Variants in PAIP2B observed in about 807,000 individuals in gnomAD.
The protein encoded by PAIP2B is polyadenylate-binding protein-interacting protein 2B.
A neutral mutation model predicts 17.0 loss-of-function variants in PAIP2B; 13 were observed. That is an observed-to-expected ratio of 0.76 (90% CI 0.50 to 1.22). The LOEUF (loss-of-function observed/expected upper bound fraction) is 1.22, where lower values mean the gene tolerates loss of function less well. Among genes scored for constraint, PAIP2B ranks in the 50% most tolerant of loss-of-function variants. The pLI, the probability that PAIP2B is intolerant of heterozygous loss-of-function variation, is 0.00. For synonymous variants in PAIP2B, 43 were observed against 48.7 expected, an observed-to-expected ratio of 0.88 and a Z score of 0.48; for missense variants, 117 against 144.5, an observed-to-expected ratio of 0.81 and a Z score of 0.98.
At chr2:71,203,307 T>C (rs1458343915) in intron 1 of PAIP2B, among the ~76,000 whole-genome samples, 1 of 152,086 alleles carries the variant, frequency 6.6e-6, no homozygotes, top group Non-Finnish European at 1.5e-5. Context: ...CTTTTGGGGG[T>C]GTTTCCAATG....
chr2:71,183,631 T>A lies in PAIP2B; in HGVS notation c.*4848A>T, dbSNP rs1193792294. On this transcript the variant is annotated 3_prime_UTR_variant, in exon 4 of 4. Transcript: ENST00000244221. ...GAACAAACTACCAAGACGTTATCTG[T>A]CATGGACAAACCTCAAAAACATTAG... 6.6e-6 allele frequency: 1 copy of A among 151,772 alleles called. No homozygotes were observed. The highest frequency in any genetic ancestry group is 1.5e-5 in the Non-Finnish European group (1 of 67,972). 9.4% of individuals were successfully genotyped at this position (151,772 alleles called of 1,614,324 possible).
intron 2 of PAIP2B, among the ~76,000 whole-genome samples, chr2:71,197,340 C>T (rs1674847148): frequency 1.3e-5 from 2 of 152,162 alleles, no homozygotes; most frequent in Admixed American, 6.5e-5. Context: ...TAAATATAGT[C>T]CCCCAGTCTC....
intron 1 of PAIP2B, among the ~76,000 whole-genome samples, chr2:71,217,248 C>G (rs996048846): frequency 6.6e-6 from 1 of 152,208 alleles, no homozygotes; most frequent in Non-Finnish European, 1.5e-5. Context: ...ATTCTCCTGC[C>G]TCAGCCTCCC....
chr2:71,210,303 G>A (rs1047523340), intron 1 of PAIP2B, among the ~76,000 whole-genome samples: 5 of 152,282 alleles, frequency 3.3e-5, no homozygotes, highest in Non-Finnish European at 5.9e-5. Flanking sequence ...GTGAGGAGAC[G>A]TACGACATGT....
chr2:71,210,951 G>A (rs1371111616), intron 1 of PAIP2B, among the ~76,000 whole-genome samples: 1 of 152,136 alleles, frequency 6.6e-6, no homozygotes, highest in Admixed American at 6.6e-5. Context: ...ATAGGATTAA[G>A]AATGCATTTA....
chr2:71,220,205 C>G (rs1050572227), intron 1 of PAIP2B, among the ~76,000 whole-genome samples: 56 of 152,284 alleles, frequency 3.7e-4, no homozygotes, highest in African/African-American at 1.3e-3. Context: ...ACTGCAAGCC[C>G]ACATGGTCAC....
intron 1 of PAIP2B, among the ~76,000 whole-genome samples, chr2:71,205,311 C>A (rs534146486): frequency 6.6e-6 from 1 of 152,322 alleles, no homozygotes; most frequent in East Asian, 1.9e-4. Flanking sequence ...GTGTTTTCCA[C>A]ACAATTAGAA....
chr2:71,203,296 T>A (rs528079988), intron 1 of PAIP2B, among the ~76,000 whole-genome samples: 1 of 152,092 alleles, frequency 6.6e-6, no homozygotes, highest in Non-Finnish European at 1.5e-5. Flanking sequence ...AGCCATACCA[T>A]CTTTTGGGGG....
At chr2:71,213,358 T>C (rs989448724) in intron 1 of PAIP2B, among the ~76,000 whole-genome samples, 1 of 152,148 alleles carries the variant, frequency 6.6e-6, no homozygotes, top group East Asian at 1.9e-4. Context: ...GAGAAAACAG[T>C]ATCCACTAGA....
In PAIP2B at chr2:71,194,459, T is replaced by TTGTGTGTGTGTG. The variant is rs141924993; in HGVS notation, c.139-4450_139-4439dup. ...CTCCCTGGTTAGCTGTATTCCTAGG[T>TTGTGTGTGTGTG]TGTGTGTGTGTGTGTGTGTGTGTGT... On this transcript the variant is annotated intron_variant, in intron 2 of 3. Transcript: ENST00000244221. Among the ~76,000 whole-genome samples, 223 of 143,474 alleles carry TTGTGTGTGTGTG rather than the reference T, an allele frequency of 1.6e-3. 1 individual carries two copies. Among genetic ancestry groups the TTGTGTGTGTGTG allele is most frequent in the African/African-American group, 5.0e-3 (195 of 39,246 alleles). 94.1% of individuals were successfully genotyped at this position (143,474 alleles called of 152,430 possible).
intron 1 of PAIP2B, among the ~76,000 whole-genome samples, chr2:71,222,964 G>A (rs1238115223): frequency 2.0e-5 from 3 of 152,220 alleles, no homozygotes; most frequent in East Asian, 1.9e-4. Context: ...TGAAGTAGGA[G>A]CAGGCACACC....
chr2:71,214,298 C>T (rs1675374468), intron 1 of PAIP2B, among the ~76,000 whole-genome samples: 1 of 152,180 alleles, frequency 6.6e-6, no homozygotes, highest in Admixed American at 6.5e-5. Flanking sequence ...TAATAGAAAA[C>T]TCTGATTTGA....
intron 2 of PAIP2B, among the ~76,000 whole-genome samples, chr2:71,198,475 C>T (rs996799120): frequency 4.7e-5 from 7 of 148,270 alleles, no homozygotes; most frequent in African/African-American, 1.7e-4. Context: ...TTAGTAGAGA[C>T]GGGGTTTCAC....
chr2:71,184,424 G>C lies in PAIP2B; in HGVS notation c.*4055C>G, dbSNP rs1334439190. 6.6e-6 allele frequency: 1 copy of C among 152,206 alleles called. No homozygotes were observed. The highest frequency in any genetic ancestry group is 2.4e-5 in the African/African-American group (1 of 41,436). The allele number at this position is 152,206 out of a possible 1,614,324, so 9.4% of individuals were successfully genotyped here. On this transcript the variant is annotated 3_prime_UTR_variant, in exon 4 of 4. Coordinates refer to ENST00000244221, the MANE Select transcript of PAIP2B (RefSeq NM_020459.1). ...TGACTGGGAACAGCAGTAGGGGGTT[G>C]GCCAGTGAGGGCAGGTGACTAAGTG...
At chr2:71,201,623 T>G (rs889169745) in intron 2 of PAIP2B, among the ~76,000 whole-genome samples, 2 of 152,162 alleles carry the variant, frequency 1.3e-5, no homozygotes, top group Non-Finnish European at 2.9e-5. Flanking sequence ...TCAAGTGATC[T>G]GCCCACCTTG....
intron 1 of PAIP2B, among the ~76,000 whole-genome samples, chr2:71,217,734 T>G (rs1315573998): frequency 6.6e-6 from 1 of 151,826 alleles, no homozygotes; most frequent in African/African-American, 2.4e-5. Context: ...CAATAAAGCC[T>G]CAAATATGAA....
At chr2:71,202,014 G>A (rs1169574275) in intron 2 of PAIP2B, among the ~76,000 whole-genome samples, 2 of 152,212 alleles carry the variant, frequency 1.3e-5, no homozygotes, top group Non-Finnish European at 2.9e-5. Flanking sequence ...ATGGTCTACA[G>A]TTGCTGAGAG....
chr2:71,189,956 T>G lies in PAIP2B; in HGVS notation c.204A>C (p.Glu68Asp). ...DRCFQEMLDEEDQDWFIPSRD... is the reference protein window; with the variant it reads ...DRCFQEMLDEDDQDWFIPSRD... ...GTGAGGGAATAAACCAGTCTTGGTC[T>G]TCTTCATCCAGCATCTCTTGGAAGC... is the stretch of plus-strand genomic sequence containing the variant. The change falls in exon 3 of 4, where the codon GAA becomes GAC. Residue 68 changes from glutamate (E) to aspartate (D), a missense_variant. Physicochemically the swap from Glu to Asp is conservative, Grantham distance 45. Coordinates refer to ENST00000244221, the MANE Select transcript of PAIP2B (RefSeq NM_020459.1). 2.5e-6 allele frequency: 4 copies of G among 1,611,336 alleles called. No homozygotes were observed. Among genetic ancestry groups the G allele is most frequent in the Non-Finnish European group, 3.4e-6 (4 of 1,178,942 alleles).
chr2:71,192,262 A>C (rs1255144103), intron 2 of PAIP2B, among the ~76,000 whole-genome samples: 3 of 142,218 alleles, frequency 2.1e-5, no homozygotes, highest in Admixed American at 7.0e-5. Context: ...TAGATACTGC[A>C]TTTTTTTTTT....
Sources: gnomAD v4.1 joint callset for allele counts (sites outside exome capture counted in the v4.1 genomes callset) on GRCh38, gnomAD v4.1.1 for gene constraint, MANE v1.5 for transcripts, NCBI Gene and HGNC (gene_info 2026-07-23, HGNC 2026-07-21) for gene names.